Variants in HAT1 observed in about 807,000 individuals in gnomAD.
The protein encoded by HAT1 is histone acetyltransferase 1, also known as histone acetyltransferase type B catalytic subunit.
A neutral mutation model predicts 56.6 loss-of-function variants in HAT1; 20 were observed. That is an observed-to-expected ratio of 0.35 (90% CI 0.25 to 0.51). HAT1 has a LOEUF of 0.51. Ranked by LOEUF, HAT1 falls within the 20% of genes least tolerant of loss-of-function variation. The probability of loss-of-function intolerance (pLI) is 0.95; values close to 1 mark genes in which losing one functional copy is unlikely to be tolerated. For synonymous variants in HAT1, 146 were observed against 165.5 expected (o/e 0.88, Z 0.91); for missense variants, 408 against 504.3 (o/e 0.81, Z 1.83).
At chr2:171,965,264 A>C in intron 4 of HAT1, 74 bp from the exon 5 acceptor site, 1 of 858,640 alleles carries the variant, frequency 1.2e-6, no homozygotes, top group Non-Finnish European at 1.8e-6. Flanking sequence ...TGGTTTTGTC[A>C]GTTTTAAAGA....
intron 2 of HAT1, among the ~76,000 whole-genome samples, chr2:171,929,513 T>G (rs1462326012): frequency 6.6e-6 from 1 of 152,208 alleles, no homozygotes; most frequent in African/African-American, 2.4e-5. Context: ...TATTAGTGTT[T>G]TCTGGTTCAT....
intron 8 of HAT1, among the ~76,000 whole-genome samples, chr2:171,967,544 C>T (rs143200600): frequency 3.4e-4 from 51 of 152,088 alleles, no homozygotes; most frequent in African/African-American, 9.9e-4. Context: ...TCGACTTACT[C>T]GACTTGACTC....
intron 2 of HAT1, among the ~76,000 whole-genome samples, chr2:171,929,431 T>C (rs1686682099): frequency 6.6e-6 from 1 of 152,212 alleles, no homozygotes; most frequent in Non-Finnish European, 1.5e-5. Context: ...CCTGTTCATA[T>C]TCTCAACTTT....
intron 8 of HAT1, among the ~76,000 whole-genome samples, chr2:171,970,719 C>T (rs1401287272): frequency 1.3e-5 from 2 of 149,706 alleles, no homozygotes; most frequent in East Asian, 2.1e-4. Flanking sequence ...GGGGTTTCAC[C>T]GTATTGGCCA....
chr2:171,935,279 C>T (rs1686843537), intron 2 of HAT1, among the ~76,000 whole-genome samples: 1 of 150,776 alleles, frequency 6.6e-6, no homozygotes, highest in Non-Finnish European at 1.5e-5. Context: ...CTTTGGGAGG[C>T]AGAGGCGGGT....
intron 1 of HAT1, chr2:171,922,855 A>C (rs1479433195): frequency 7.0e-6 from 2 of 284,346 alleles, no homozygotes; most frequent in Admixed American, 5.2e-5. Flanking sequence ...TGCTTGCTTC[A>C]GCTCTTGTAC....
chr2:171,930,124 T>G (rs1053136573), intron 2 of HAT1, among the ~76,000 whole-genome samples: 1 of 152,184 alleles, frequency 6.6e-6, no homozygotes, highest in Non-Finnish European at 1.5e-5. Context: ...TCTGAGTAAA[T>G]CTACATCTTT....
At chr2:171,967,032 C>CT (rs1687698851) in intron 8 of HAT1, 83 bp downstream of exon 8, 1 of 667,624 alleles carries the variant, frequency 1.5e-6, no homozygotes, top group Non-Finnish European at 2.7e-6. Context: ...TCAGAAATAA[C>CT]TATTTTAAAC....
intron 2 of HAT1, among the ~76,000 whole-genome samples, chr2:171,941,211 G>T (rs1004863233): frequency 1.8e-4 from 27 of 151,926 alleles, no homozygotes; most frequent in African/African-American, 6.3e-4. Context: ...TGTTTTTTTT[G>T]TTGTTGTTTT....
At chr2:171,936,020 G>T (rs757976429) in intron 2 of HAT1, among the ~76,000 whole-genome samples, 2 of 152,158 alleles carry the variant, frequency 1.3e-5, no homozygotes, top group Non-Finnish European at 2.9e-5. Context: ...AAAGGCTAGG[G>T]CACATCATGG....
At chr2:171,960,486 C>T (rs1371378613) in intron 4 of HAT1, among the ~76,000 whole-genome samples, 1 of 152,126 alleles carries the variant, frequency 6.6e-6, no homozygotes, top group Non-Finnish European at 1.5e-5. Flanking sequence ...ATAACATCTG[C>T]TTAGAAGTTA....
At chr2:171,951,279 G>T (rs1687300935) in intron 3 of HAT1, among the ~76,000 whole-genome samples, 1 of 152,012 alleles carries the variant, frequency 6.6e-6, no homozygotes, top group Non-Finnish European at 1.5e-5. Context: ...ATTTTAAATA[G>T]GTTTTACTTT....
intron 3 of HAT1, among the ~76,000 whole-genome samples, chr2:171,952,304 C>G (rs570361161): frequency 2.9e-4 from 44 of 152,254 alleles, no homozygotes; most frequent in Middle Eastern, 6.8e-3. Context: ...CTCTTTTAAG[C>G]TGGAAAAAGG....
chr2:171,968,830 T>C (rs1687744626), intron 8 of HAT1, among the ~76,000 whole-genome samples: 1 of 152,186 alleles, frequency 6.6e-6, no homozygotes, highest in Non-Finnish European at 1.5e-5. Flanking sequence ...TTGTGTGTGC[T>C]TTTTTAGCTT....
chr2:171,940,158 A>G (rs902183487), intron 2 of HAT1, among the ~76,000 whole-genome samples: 4 of 152,200 alleles, frequency 2.6e-5, no homozygotes, highest in Non-Finnish European at 5.9e-5. Context: ...ACACAAAATG[A>G]CCAATTCAGT....
intron 8 of HAT1, among the ~76,000 whole-genome samples, chr2:171,969,751 A>T (rs1687768451): frequency 6.6e-6 from 1 of 152,164 alleles, no homozygotes. Context: ...TTTTTGACTT[A>T]TGTGAAAATT....
intron 9 of HAT1, among the ~76,000 whole-genome samples, chr2:171,977,547 ATATATATATATTTTTTTT>A (rs1688012313): frequency 7.0e-5 from 1 of 14,338 alleles, no homozygotes; most frequent in East Asian, 2.1e-3. Context: ...ATATATATAT[ATATATATATATTTTTTTT>A]TTTTTTTTTT....
intron 2 of HAT1, among the ~76,000 whole-genome samples, chr2:171,943,571 A>G (rs752172173): frequency 7.9e-5 from 12 of 151,308 alleles, no homozygotes; most frequent in Non-Finnish European, 1.3e-4. Flanking sequence ...TTGAGAGAAT[A>G]AAACAATACT....
At chr2:171,969,459 G>T (rs1250428846) in intron 8 of HAT1, among the ~76,000 whole-genome samples, 1 of 152,114 alleles carries the variant, frequency 6.6e-6, no homozygotes, top group Non-Finnish European at 1.5e-5. Context: ...ATTGCTAGAT[G>T]ATGTATTACA....
Sources: gnomAD v4.1 joint callset for allele counts (sites outside exome capture counted in the v4.1 genomes callset) on GRCh38, gnomAD v4.1.1 for gene constraint, MANE v1.5 for transcripts, NCBI Gene and HGNC (gene_info 2026-07-23, HGNC 2026-07-21) for gene names.